Variants in DENND1B observed in about 807,000 individuals in gnomAD.
DENND1B encodes the protein DENN domain-containing protein 1B.
In DENND1B, 59 loss-of-function variants were observed where a neutral mutation model predicts 90.1. That is an observed-to-expected ratio of 0.65 (90% CI 0.53 to 0.81). The LOEUF is 0.81. Among genes scored for constraint, DENND1B ranks in the 40% least tolerant of loss-of-function variants. DENND1B has a pLI of 0.00. For missense variants in DENND1B, 862 were observed against 912.6 expected, an observed-to-expected ratio of 0.94 and a Z score of 0.71; for synonymous variants, 337 against 324.6, an observed-to-expected ratio of 1.04 and a Z score of -0.41.
intron 3 of DENND1B, among the ~76,000 whole-genome samples, chr1:197,703,307 A>T (rs934310744): frequency 2.0e-5 from 3 of 151,950 alleles, no homozygotes; most frequent in Non-Finnish European, 2.9e-5. Context: ...TGCTTTTACA[A>T]AAAAAAGAAA....
chr1:197,752,871 G>A (rs1653757000), intron 2 of DENND1B, among the ~76,000 whole-genome samples: 1 of 151,926 alleles, frequency 6.6e-6, no homozygotes, highest in South Asian at 2.1e-4. Flanking sequence ...CTCTATGAGT[G>A]AGAACATGCA....
chr1:197,583,197 C>G lies in DENND1B; in HGVS notation c.1104G>C (p.Met368Ile), dbSNP rs755055227. The G allele has an allele frequency of 6.2e-7, 1 of 1,613,872 alleles. No individual in the cohort carries two copies. Among genetic ancestry groups the G allele is most frequent in the Admixed American group, 1.7e-5 (1 of 59,988 alleles). Residue 368 changes from methionine to isoleucine, a missense_variant, in exon 15 of 23, where the codon ATG becomes ATC. By Grantham distance (10) the Met-to-Ile change is conservative. Transcript: ENST00000620048. ...TAATGGCAGTTTCCAGGAACTGTTTCATCACGCTTGAGCGGTGCTTTACAA... is the reference window on the plus strand; with the variant it reads ...TAATGGCAGTTTCCAGGAACTGTTTGATCACGCTTGAGCGGTGCTTTACAA... ...ESFVKHRSSVMKQFLETAINL... is the reference protein window; with the variant it reads ...ESFVKHRSSVIKQFLETAINL...
At chr1:197,747,931 C>T (rs1006640657) in intron 2 of DENND1B, among the ~76,000 whole-genome samples, 20 of 152,204 alleles carry the variant, frequency 1.3e-4, no homozygotes, top group South Asian at 4.1e-4. Context: ...ATCATGGAAA[C>T]TCATGTCTTC....
intron 10 of DENND1B, among the ~76,000 whole-genome samples, chr1:197,627,478 A>C (rs938683286): frequency 6.6e-6 from 1 of 152,126 alleles, no homozygotes; most frequent in East Asian, 1.9e-4. Flanking sequence ...AAATTCAAGA[A>C]CACTTCATGC....
intron 15 of DENND1B, among the ~76,000 whole-genome samples, chr1:197,553,867 T>C (rs1002098394): frequency 1.3e-5 from 2 of 152,202 alleles, no homozygotes; most frequent in African/African-American, 4.8e-5. Flanking sequence ...TTCAGTGTTC[T>C]TAAAAAAGAG....
chr1:197,584,646 AT>A (rs1369856270), intron 14 of DENND1B, among the ~76,000 whole-genome samples: 2 of 152,156 alleles, frequency 1.3e-5, no homozygotes, highest in Non-Finnish European at 2.9e-5. Flanking sequence ...GTCATTACAC[AT>A]TTTTATACAG....
At position 197,722,162 on chromosome 1, in the gene DENND1B, G is replaced by A. The variant is rs7513388; in HGVS notation, c.83-7088C>T. Among the ~76,000 whole-genome samples the A allele has an allele frequency of 6.9e-3, 1,053 of 152,080 alleles. 6 individuals carry two copies. The highest frequency in any genetic ancestry group is 0.023 in the African/African-American group (970 of 41,524). On this transcript the variant is annotated intron_variant, in intron 2 of 22. Transcript: ENST00000620048. ...GACAACAGAAAGACTATCTGTGAAT[G>A]CAAAATATAGTAATAATAATAATAA... is the stretch of plus-strand genomic sequence containing the variant.
At chr1:197,551,694 C>A (rs1213830187) in intron 16 of DENND1B, among the ~76,000 whole-genome samples, 1 of 152,050 alleles carries the variant, frequency 6.6e-6, no homozygotes, top group African/African-American at 2.4e-5. Context: ...AAGCTACTAG[C>A]CCCACGGGTC....
intron 10 of DENND1B, among the ~76,000 whole-genome samples, chr1:197,634,516 G>A (rs1245600240): frequency 6.6e-6 from 1 of 152,134 alleles, no homozygotes; most frequent in African/African-American, 2.4e-5. Flanking sequence ...CTAAGTTCCT[G>A]TATAGGCTGA....
At chr1:197,568,951 T>C (rs1016292512) in intron 15 of DENND1B, among the ~76,000 whole-genome samples, 6 of 151,846 alleles carry the variant, frequency 4.0e-5, no homozygotes, top group African/African-American at 1.2e-4. Context: ...AAAGCAAAAA[T>C]AGACAAATAT....
At chr1:197,621,602 T>C (rs1267055856) in intron 10 of DENND1B, among the ~76,000 whole-genome samples, 1 of 151,400 alleles carries the variant, frequency 6.6e-6, no homozygotes, top group African/African-American at 2.4e-5. Context: ...TATCATATAG[T>C]CTTTCTTTGG....
intron 3 of DENND1B, among the ~76,000 whole-genome samples, chr1:197,702,044 C>T (rs539318798): frequency 6.6e-6 from 1 of 152,210 alleles, no homozygotes; most frequent in South Asian, 2.1e-4. Flanking sequence ...GTTTCCCTAT[C>T]TCTGGAGTCT....
At chr1:197,696,089 T>C (rs1658407467) in intron 3 of DENND1B, among the ~76,000 whole-genome samples, 1 of 151,356 alleles carries the variant, frequency 6.6e-6, no homozygotes, top group Non-Finnish European at 1.5e-5. Context: ...TAATGACCCA[T>C]TAGTCATTAT....
chr1:197,603,688 CT>C (rs1307449164), intron 13 of DENND1B, among the ~76,000 whole-genome samples: 1 of 150,910 alleles, frequency 6.6e-6, no homozygotes, highest in Non-Finnish European at 1.5e-5. Context: ...AGCTTAATTC[CT>C]AGTAAGAGAG....
At chr1:197,697,305 T>C (rs1414567454) in intron 3 of DENND1B, among the ~76,000 whole-genome samples, 1 of 151,608 alleles carries the variant, frequency 6.6e-6, no homozygotes, top group African/African-American at 2.4e-5. Context: ...TTCAAACTCA[T>C]GTCTATATTA....
At chr1:197,696,616 C>T (rs188219453) in intron 3 of DENND1B, among the ~76,000 whole-genome samples, 129 of 151,522 alleles carry the variant, frequency 8.5e-4, no homozygotes, top group Non-Finnish European at 1.7e-3. Context: ...GTCATAACAC[C>T]AGTTTGAAAT....
intron 10 of DENND1B, among the ~76,000 whole-genome samples, chr1:197,631,427 AAC>A (rs959915737): frequency 2.6e-5 from 4 of 152,088 alleles, no homozygotes; most frequent in African/African-American, 9.6e-5. Flanking sequence ...TTAGGACTAA[AAC>A]ACAAATCTCT....
chr1:197,701,539 C>A (rs1034120030), intron 3 of DENND1B, among the ~76,000 whole-genome samples: 1 of 151,298 alleles, frequency 6.6e-6, no homozygotes, highest in Non-Finnish European at 1.5e-5. Context: ...TACTTGTATC[C>A]CCCCCTTCCC....
chr1:197,624,457 C>T (rs1678466302), intron 10 of DENND1B, among the ~76,000 whole-genome samples: 1 of 151,566 alleles, frequency 6.6e-6, no homozygotes, highest in Non-Finnish European at 1.5e-5. Context: ...AAATGCAAAA[C>T]TATAAAACTC....
Sources: allele counts gnomAD v4.1 joint callset (sites outside exome capture counted in the v4.1 genomes callset), GRCh38; gene constraint gnomAD v4.1.1; transcripts MANE v1.5; gene names NCBI Gene and HGNC (gene_info 2026-07-23, HGNC 2026-07-21).